Variants in ANKRD55 observed in about 807,000 individuals in gnomAD.
The protein encoded by ANKRD55 is ankyrin repeat domain 55.
Under a neutral mutation model 60.6 loss-of-function variants are expected in ANKRD55, and 41 were observed. The ratio of observed to expected loss-of-function variants is 0.68; its 90% CI spans 0.53 to 0.88. ANKRD55 has a LOEUF of 0.88. ANKRD55 is among the 40% of genes least tolerant of loss of function. The pLI is 0.00. For missense variants in ANKRD55, 732 were observed against 767.6 expected (o/e 0.95, Z 0.55); for synonymous variants, 264 against 290.3 (o/e 0.91, Z 0.92).
Position 56,176,277 on chromosome 5 carries a change from T to A in ANKRD55, c.187A>T (p.Thr63Ser), listed in dbSNP as rs1758738105. 1 of 1,614,070 alleles carries A rather than the reference T, an allele frequency of 6.2e-7. No individual in the cohort carries two copies. Among genetic ancestry groups the A allele is most frequent in the Admixed American group, 1.7e-5 (1 of 59,996 alleles). ...CCAGAAACCGCATGCATCAAGGGCG[T>A]GCATCCTGGAATGAGACATTTCAAC... ...ILECCDSEGC[T>S]PLMHAVSGRQ... Residue 63 changes from threonine to serine, a missense_variant, in exon 4 of 12, where the codon ACG (threonine) becomes TCG (serine). Transcript: ENST00000341048.
chr5:56,111,805 G>A (rs765803350), intron 9 of ANKRD55, 23 bp from the exon 10 acceptor site: 3 of 1,471,338 alleles, frequency 2.0e-6, no homozygotes, highest in Non-Finnish European at 2.7e-6. Context: ...AAAAGAGCAG[G>A]GATGATATGT....
chr5:56,207,394 A>AT (rs1286194975), intron 2 of ANKRD55, among the ~76,000 whole-genome samples: 1 of 152,210 alleles, frequency 6.6e-6, no homozygotes, highest in Non-Finnish European at 1.5e-5. Flanking sequence ...TGTATTTTTT[A>AT]TTTACAAAAA....
chr5:56,233,186 A>G (rs1760298910), intron 1 of ANKRD55, 55 bp downstream of exon 1: 1 of 412,482 alleles, frequency 2.4e-6, no homozygotes, highest in East Asian at 4.0e-5. Context: ...CCCCAAATCA[A>G]TAAACACAAT....
intron 2 of ANKRD55, among the ~76,000 whole-genome samples, chr5:56,208,550 G>A (rs947441943): frequency 6.6e-6 from 1 of 151,882 alleles, no homozygotes; most frequent in Non-Finnish European, 1.5e-5. Context: ...TTAGCCTCCC[G>A]AGTAGCTGGG....
intron 2 of ANKRD55, among the ~76,000 whole-genome samples, chr5:56,215,752 G>A (rs146716750): frequency 5.3e-5 from 8 of 152,296 alleles, no homozygotes; most frequent in African/African-American, 1.9e-4. Context: ...AATGGAATCT[G>A]TCTCAAAGTC....
chr5:56,220,812 C>CA (rs1311003185), intron 2 of ANKRD55, among the ~76,000 whole-genome samples: 1 of 151,780 alleles, frequency 6.6e-6, no homozygotes, highest in East Asian at 1.9e-4. Flanking sequence ...GACTCCATCT[C>CA]AAAAAACAAA....
chr5:56,150,575 G>T (rs1398572816), intron 6 of ANKRD55, among the ~76,000 whole-genome samples: 1 of 152,020 alleles, frequency 6.6e-6, no homozygotes, highest in Non-Finnish European at 1.5e-5. Context: ...CTGCACTCTG[G>T]CCTCACAGAG....
At chr5:56,147,838 C>T (rs1440173754) in intron 6 of ANKRD55, among the ~76,000 whole-genome samples, 2 of 152,244 alleles carry the variant, frequency 1.3e-5, no homozygotes, top group African/African-American at 2.4e-5. Context: ...TGGTATTGCA[C>T]ACTTTATTTA....
At chr5:56,185,066 C>CA (rs921115507) in intron 2 of ANKRD55, among the ~76,000 whole-genome samples, 58 of 151,784 alleles carry the variant, frequency 3.8e-4, no homozygotes, top group African/African-American at 1.4e-3. Context: ...ACTAAAAATA[C>CA]AAAAAAATAA....
chr5:56,116,462 C>A (rs113757206), intron 9 of ANKRD55, among the ~76,000 whole-genome samples, 153 bp downstream of exon 9: 1 of 152,120 alleles, frequency 6.6e-6, no homozygotes, highest in African/African-American at 2.4e-5. Context: ...ATTATAGAAT[C>A]ATTTAATGTC....
intron 6 of ANKRD55, among the ~76,000 whole-genome samples, chr5:56,153,577 C>A: frequency 6.6e-6 from 1 of 152,158 alleles, no homozygotes; most frequent in East Asian, 1.9e-4. Flanking sequence ...CCGTGGCTCA[C>A]GCCTGTAATC....
intron 4 of ANKRD55, among the ~76,000 whole-genome samples, chr5:56,171,981 T>C (rs1350359312): frequency 6.6e-6 from 1 of 151,880 alleles, no homozygotes; most frequent in Non-Finnish European, 1.5e-5. Context: ...TAGCTGGGAA[T>C]GGTGGCGGGT....
In ANKRD55 at chr5:56,166,142, CTTT is replaced by C. The variant is rs1561277799; in HGVS notation, c.422+4549_422+4551del. ...TCTTTCTTTCTTTCTTTCTTTCTTT[CTTT>C]CTTTCTTTCTTCTTTCCTTCCTTCC... On this transcript the variant is annotated intron_variant, in intron 5 of 11. Coordinates refer to ENST00000341048, the MANE Select transcript of ANKRD55 (RefSeq NM_024669.3). Among the ~76,000 whole-genome samples the C allele has an allele frequency of 6.4e-4, 60 of 93,674 alleles. 2 individuals carry two copies. Among genetic ancestry groups the C allele is most frequent in the African/African-American group, 3.3e-3 (48 of 14,366 alleles). 61.5% of individuals were successfully genotyped at this position (93,674 alleles called of 152,430 possible).
chr5:56,133,796 A>C (rs1757487405), intron 7 of ANKRD55, among the ~76,000 whole-genome samples: 1 of 115,218 alleles, frequency 8.7e-6, no homozygotes, highest in African/African-American at 2.8e-5. Flanking sequence ...GATGTAGCAA[A>C]AACAATTTCT....
At chr5:56,140,334 T>A (rs1000277905) in intron 7 of ANKRD55, among the ~76,000 whole-genome samples, 10 of 152,226 alleles carry the variant, frequency 6.6e-5, no homozygotes, top group Non-Finnish European at 1.5e-4. Flanking sequence ...CACTTCTGAA[T>A]TTTACTGCTA....
At chr5:56,189,242 C>T (rs1386570763) in intron 2 of ANKRD55, among the ~76,000 whole-genome samples, 1 of 146,802 alleles carries the variant, frequency 6.8e-6, no homozygotes, top group Non-Finnish European at 1.5e-5. Flanking sequence ...ATCCGGGAGG[C>T]GGAGCTTGCA....
At chr5:56,226,661 T>A (rs1486864500) in intron 2 of ANKRD55, among the ~76,000 whole-genome samples, 1 of 152,016 alleles carries the variant, frequency 6.6e-6, no homozygotes, top group Non-Finnish European at 1.5e-5. Context: ...AACAACCCCA[T>A]CAAAAAGTGG....
At chr5:56,129,241 C>A (rs1354107591) in intron 7 of ANKRD55, among the ~76,000 whole-genome samples, 1 of 151,998 alleles carries the variant, frequency 6.6e-6, no homozygotes, top group Non-Finnish European at 1.5e-5. Context: ...GGACTGTGGT[C>A]CAGGTGGGTC....
At chr5:56,229,698 C>G (rs1760203098) in intron 2 of ANKRD55, among the ~76,000 whole-genome samples, 1 of 152,124 alleles carries the variant, frequency 6.6e-6, no homozygotes, top group African/African-American at 2.4e-5. Context: ...TTACCAAACC[C>G]ACCTCGTTGG....
Sources: gnomAD v4.1 joint callset for allele counts (sites outside exome capture counted in the v4.1 genomes callset) on GRCh38, gnomAD v4.1.1 for gene constraint, MANE v1.5 for transcripts, NCBI Gene and HGNC (gene_info 2026-07-23, HGNC 2026-07-21) for gene names.